Variants in XKR7 observed in about 807,000 individuals in gnomAD.
XKR7 encodes XK related 7.
XKR7 carries 11 observed loss-of-function variants against 42.2 expected under a neutral mutation model. The ratio of observed to expected loss-of-function variants is 0.26; its 90% CI spans 0.16 to 0.43. XKR7 has a LOEUF of 0.43. Among genes scored for constraint, XKR7 ranks in the 20% least tolerant of loss-of-function variants. The pLI, the probability that XKR7 is intolerant of heterozygous loss-of-function variation, is 1.00. For missense variants in XKR7, 710 were observed against 802.2 expected (o/e 0.89, Z 1.39); for synonymous variants, 346 against 366.4 (o/e 0.94, Z 0.64).
intron 1 of XKR7, among the ~76,000 whole-genome samples, chr20:31,987,325 C>G (rs1338934534): frequency 6.7e-6 from 1 of 150,042 alleles, no homozygotes; most frequent in Admixed American, 6.6e-5. Context: ...ATCCAAGGCA[C>G]AGACAGACCA....
At chr20:31,975,620 G>A (rs2122252612) in intron 1 of XKR7, among the ~76,000 whole-genome samples, 1 of 147,866 alleles carries the variant, frequency 6.8e-6, no homozygotes, top group East Asian at 2.0e-4. Flanking sequence ...TGGCTGTTTT[G>A]TCTGTTGATC....
rs1444236059 is a variant in XKR7 at position 31,996,862 on chromosome 20, G to A, written c.1145G>A (p.Arg382His). Residue 382 changes from arginine (R) to histidine (H), a missense_variant, in exon 3 of 3, where the codon CGC becomes CAC. By Grantham distance (29) the Arg-to-His change is conservative. Transcript: ENST00000562532. ...AACGTCAAGGAGGGCCGCAGCCGCC[G>A]CCGCATGACCCTCTACCACTGCATC... The part of the protein sequence containing the change: ...WFNVKEGRSR[R>H]RMTLYHCIVL... 1.2e-6 allele frequency: 2 copies of A among 1,613,746 alleles called. No individual in the cohort carries two copies. The highest frequency in any genetic ancestry group is 1.3e-5 in the African/African-American group (1 of 75,038).
intron 2 of XKR7, 135 bp from the exon 3 acceptor site, chr20:31,996,370 C>T (rs2064591302): frequency 2.9e-5 from 18 of 625,040 alleles, no homozygotes; most frequent in Non-Finnish European, 4.2e-5. Context: ...TCCCCACACC[C>T]CTGCTGATCC....
rs1055644549 is a variant in XKR7, at chr20:31,998,859, G to C, written c.*1402G>C. The stretch of plus-strand genomic sequence containing the variant: ...GATCTGATGACTCCCCAGGACCTGT[G>C]GTCTATTCCCATGGCCTGAACATCC... On this transcript the variant is annotated 3_prime_UTR_variant, in exon 3 of 3. Coordinates refer to ENST00000562532, the MANE Select transcript of XKR7 (RefSeq NM_001011718.2). 14 of 152,188 alleles carry C rather than the reference G, an allele frequency of 9.2e-5. No individual in the cohort carries two copies. Among genetic ancestry groups the C allele is most frequent in the Admixed American group, 8.5e-4 (13 of 15,282 alleles). The allele number at this position is 152,188 out of a possible 1,614,324, so 9.4% of individuals were successfully genotyped here.
Position 31,968,748 on chromosome 20 carries a change from C to A in XKR7, c.573C>A (p.Gly191=). 6.5e-7 allele frequency: 1 copy of A among 1,529,942 alleles called. No individual in the cohort carries two copies. The highest frequency in any genetic ancestry group is 2.0e-5 in the Admixed American group (1 of 50,980). The allele number at this position is 1,529,942 out of a possible 1,614,324, so 94.8% of individuals were successfully genotyped here. A position where few individuals can be genotyped will look rare whatever the true frequency, so the allele number is the denominator to read the frequency against. ...LQTLVHLLQL[G]QVWRYLRALY... ...CCCTCGTCCACCTCCTGCAGCTCGG[C>A]CAGGTCTGGAGGTAGGAGAAGCGCA... The change falls in exon 1 of 3, where the codon GGC becomes GGA. Residue 191 remains glycine, a synonymous_variant. Transcript: ENST00000562532. The surrounding 1 kb of genome is among the most constrained non-coding windows in gnomAD (Gnocchi z 4.5).
chr20:31,981,518 C>G (rs989234358), intron 1 of XKR7, among the ~76,000 whole-genome samples: 1 of 152,136 alleles, frequency 6.6e-6, no homozygotes, highest in African/African-American at 2.4e-5. Context: ...ATGGCAAAAC[C>G]CCGTCTCTAC....
In XKR7 at chr20:32,001,167, T is replaced by G. The variant is rs2064623333; in HGVS notation, c.*3710T>G. 6.6e-6 allele frequency: 1 copy of G among 152,240 alleles called. No individual in the cohort carries two copies. The highest frequency in any genetic ancestry group is 2.1e-4 in the South Asian group (1 of 4,836). 9.4% of individuals were successfully genotyped at this position (152,240 alleles called of 1,614,324 possible). A position where few individuals can be genotyped will look rare whatever the true frequency, so the allele number is the denominator to read the frequency against. ...GCAGGTTCTTCCCTTGGAATTAATCTGGACCTGGAGTCCACAGAAGCCTCA... is the reference window on the plus strand; with the variant it reads ...GCAGGTTCTTCCCTTGGAATTAATCGGGACCTGGAGTCCACAGAAGCCTCA... On this transcript the variant is annotated 3_prime_UTR_variant, in exon 3 of 3. Coordinates refer to ENST00000562532, the MANE Select transcript of XKR7 (RefSeq NM_001011718.2).
chr20:31,995,253 C>G lies in XKR7; in HGVS notation c.770C>G (p.Ala257Gly). 6.5e-7 allele frequency: 1 copy of G among 1,537,854 alleles called. No individual in the cohort carries two copies. Among genetic ancestry groups the G allele is most frequent in the Non-Finnish European group, 8.7e-7 (1 of 1,146,050 alleles). The change falls in exon 2 of 3, where the codon GCG (alanine) becomes GGG (glycine). Residue 257 changes from alanine (A) to glycine (G), a missense_variant. By Grantham distance (60) the Ala-to-Gly change is moderately conservative (BLOSUM62 0). Coordinates refer to ENST00000562532, the MANE Select transcript of XKR7 (RefSeq NM_001011718.2). This position sits in a 1 kb window ranked among gnomAD's most constrained non-coding sequence, Gnocchi z 4.1. ...QLSLLVHRGG[A>G]PDLLPALSTS... ...AGCCTGCTGGTGCACCGCGGTGGCG[C>G]GCCCGACCTGCTGCCGGGTGAGCCC...
At chr20:31,980,448 T>C (rs1291389641) in intron 1 of XKR7, among the ~76,000 whole-genome samples, 2 of 152,196 alleles carry the variant, frequency 1.3e-5, no homozygotes, top group Non-Finnish European at 2.9e-5. Context: ...CAATGTTTCC[T>C]AGAGAACCCA....
chr20:31,969,497 T>C (rs574638285), intron 1 of XKR7, among the ~76,000 whole-genome samples: 9 of 152,362 alleles, frequency 5.9e-5, no homozygotes, highest in African/African-American at 1.9e-4. Flanking sequence ...CTTTCAGTCT[T>C]CTTCCTCTGC....
intron 1 of XKR7, among the ~76,000 whole-genome samples, chr20:31,973,235 AG>A (rs1421749533): frequency 1.3e-5 from 2 of 152,204 alleles, no homozygotes. Flanking sequence ...CAGGACAGCA[AG>A]GGGGTCCTGA....
At chr20:31,971,663 G>T (rs1024526525) in intron 1 of XKR7, among the ~76,000 whole-genome samples, 1 of 152,182 alleles carries the variant, frequency 6.6e-6, no homozygotes, top group African/African-American at 2.4e-5. Context: ...AGGCTAGGCA[G>T]TCACTCACCT....
intron 1 of XKR7, among the ~76,000 whole-genome samples, chr20:31,985,501 G>C (rs572509567): frequency 7.9e-4 from 120 of 152,158 alleles, no homozygotes; most frequent in Non-Finnish European, 1.3e-3. Flanking sequence ...CACGAGCTGA[G>C]CAACAAATCA....
At chr20:31,982,991 A>G (rs942014891) in intron 1 of XKR7, among the ~76,000 whole-genome samples, 8 of 152,234 alleles carry the variant, frequency 5.3e-5, no homozygotes, top group African/African-American at 1.9e-4. Context: ...TGATGGGTCC[A>G]GAGACGGGAG....
At position 31,968,651 on chromosome 20, in the gene XKR7, C is replaced by G. The variant is rs1216892165; in HGVS notation, c.476C>G (p.Pro159Arg). The G allele has an allele frequency of 6.3e-7, 1 of 1,581,774 alleles. No individual in the cohort carries two copies. The highest frequency in any genetic ancestry group is 8.5e-7 in the Non-Finnish European group (1 of 1,171,100). Residue 159 changes from proline (P) to arginine (R), a missense_variant, in exon 1 of 3, where the codon CCC becomes CGC. By Grantham distance (103) the Pro-to-Arg change is moderately radical. Coordinates refer to ENST00000562532, the MANE Select transcript of XKR7 (RefSeq NM_001011718.2). This position sits in a 1 kb window ranked among gnomAD's most constrained non-coding sequence, Gnocchi z 4.5. The part of the protein sequence containing the change: ...RTKEGSPEPG[P>R]QPAPSSASAY... ...AAAGAAGGCAGCCCCGAGCCGGGTCCCCAGCCTGCGCCCTCCTCGGCCAGC... is the reference window on the plus strand; with the variant it reads ...AAAGAAGGCAGCCCCGAGCCGGGTCGCCAGCCTGCGCCCTCCTCGGCCAGC...
At chr20:31,977,007 T>G (rs2064488437) in intron 1 of XKR7, among the ~76,000 whole-genome samples, 1 of 152,230 alleles carries the variant, frequency 6.6e-6, no homozygotes, top group Non-Finnish European at 1.5e-5. Flanking sequence ...TGAAGCCAGT[T>G]GAAGCTGGCA....
intron 1 of XKR7, among the ~76,000 whole-genome samples, chr20:31,990,162 T>C (rs537037441): frequency 6.6e-6 from 1 of 150,954 alleles, no homozygotes; most frequent in East Asian, 1.9e-4. Flanking sequence ...GTTTATAAAC[T>C]ATTTTTAAAT....
Position 31,985,959 on chromosome 20 carries a change from C to CACAGACAGACAG in XKR7, c.585-9094_585-9083dup, listed in dbSNP as rs57585644. Among the ~76,000 whole-genome samples, 45 of 74,454 alleles carry CACAGACAGACAG rather than the reference C, an allele frequency of 6.0e-4. 3 individuals are homozygous for CACAGACAGACAG. Among genetic ancestry groups the CACAGACAGACAG allele is most frequent in the African/African-American group, 3.1e-3 (43 of 13,900 alleles). 48.8% of individuals were successfully genotyped at this position (74,454 alleles called of 152,430 possible). ...CCACCAAGCGGACCCAGCATCCAGA[C>CACAGACAGACAG]ACAGACAGACAGACAGACAGACAGA... On this transcript the variant is annotated intron_variant, in intron 1 of 2. Transcript: ENST00000562532.
chr20:31,996,794 C>T lies in XKR7; in HGVS notation c.1077C>T (p.Ile359=), dbSNP rs2064594441. ...GCATGTCCAAGTGGGAGGAGATCAT[C>T]TACAACATGGTCGTGGGCATCATCT... ...DFCMSKWEEI[I]YNMVVGIIYI... is the part of the protein sequence containing the mutation. The change falls in exon 3 of 3, where the codon ATC becomes ATT. Residue 359 remains isoleucine, a synonymous_variant. Transcript: ENST00000562532. 5 of 1,613,932 alleles carry T rather than the reference C, an allele frequency of 3.1e-6. No individual in the cohort carries two copies. Among genetic ancestry groups the T allele is most frequent in the Non-Finnish European group, 4.2e-6 (5 of 1,180,022 alleles).
Sources: allele counts gnomAD v4.1 joint callset (sites outside exome capture counted in the v4.1 genomes callset), GRCh38; gene constraint gnomAD v4.1.1; non-coding constraint Gnocchi (gnomAD v3.1); transcripts MANE v1.5; gene names NCBI Gene and HGNC (gene_info 2026-07-23, HGNC 2026-07-21).